The following CTNND2 variants were observed in gnomAD, a reference collection of about 807,000 sequenced individuals.
The protein encoded by CTNND2 is catenin delta-2.
Under a neutral mutation model 144.4 loss-of-function variants are expected in CTNND2, and 22 were observed. The observed-to-expected ratio is 0.15, with a 90% confidence interval of 0.11 to 0.22. The LOEUF (loss-of-function observed/expected upper bound fraction) is 0.22, where lower values mean the gene tolerates loss of function less well. CTNND2 is among the 10% of genes least tolerant of loss of function. The pLI, the probability that CTNND2 is intolerant of heterozygous loss-of-function variation, is 1.00. For synonymous variants in CTNND2, 751 were observed against 695.6 expected, an observed-to-expected ratio of 1.08 and a Z score of -1.25; for missense variants, 1,353 against 1,618.8, an observed-to-expected ratio of 0.84 and a Z score of 2.82.
chr5:11,022,648 T>C, intron 17 of CTNND2, 121 bp downstream of exon 17: 1 of 764,072 alleles, frequency 1.3e-6, no homozygotes, highest in East Asian at 2.6e-5. Flanking sequence ...TTCCTTCTCT[T>C]GATTCTCAGA....
chr5:11,015,657 C>T (rs557109162), intron 18 of CTNND2, among the ~76,000 whole-genome samples: 3 of 152,322 alleles, frequency 2.0e-5, no homozygotes, highest in African/African-American at 7.2e-5. Context: ...AAAGCTGCTT[C>T]CCTTCAATGC....
chr5:11,652,568 A>C (rs1390255260), intron 2 of CTNND2, among the ~76,000 whole-genome samples: 1 of 152,190 alleles, frequency 6.6e-6, no homozygotes, highest in East Asian at 1.9e-4. Flanking sequence ...GTCTATAGGA[A>C]AGCATTGTTT....
intron 1 of CTNND2, among the ~76,000 whole-genome samples, chr5:11,782,255 A>C (rs1241510030): frequency 6.6e-6 from 1 of 152,174 alleles, no homozygotes; most frequent in Non-Finnish European, 1.5e-5. Flanking sequence ...ATATAACAGT[A>C]TGAAAATGAG....
chr5:11,551,293 T>A (rs978609883), intron 3 of CTNND2, among the ~76,000 whole-genome samples: 4 of 152,072 alleles, frequency 2.6e-5, no homozygotes, highest in African/African-American at 4.8e-5. Flanking sequence ...TTACCCCATT[T>A]CTTTCCCTGC....
At chr5:11,138,547 C>A (rs1756384053) in intron 12 of CTNND2, among the ~76,000 whole-genome samples, 1 of 152,146 alleles carries the variant, frequency 6.6e-6, no homozygotes, top group South Asian at 2.1e-4. Flanking sequence ...CCTCTCCCTG[C>A]CCAACCTGTG....
chr5:11,112,176 C>T (rs573516818), intron 13 of CTNND2, among the ~76,000 whole-genome samples: 17 of 152,240 alleles, frequency 1.1e-4, no homozygotes, highest in South Asian at 4.1e-4. Context: ...CTGGAACCTG[C>T]GCGTATGTTA....
chr5:11,499,580 T>C (rs1454708725), intron 3 of CTNND2, among the ~76,000 whole-genome samples: 1 of 152,270 alleles, frequency 6.6e-6, no homozygotes, highest in African/African-American at 2.4e-5. Context: ...CAAGGCATCC[T>C]GCCATTTCAT....
intron 1 of CTNND2, among the ~76,000 whole-genome samples, chr5:11,871,115 C>A (rs1035978258): frequency 1.2e-4 from 19 of 152,104 alleles, no homozygotes; most frequent in Admixed American, 1.2e-3. Context: ...AAGAATATAA[C>A]CAGAAGTCAG....
At chr5:11,862,209 G>A (rs1795534724) in intron 1 of CTNND2, among the ~76,000 whole-genome samples, 1 of 152,058 alleles carries the variant, frequency 6.6e-6, no homozygotes, top group Admixed American at 6.5e-5. Flanking sequence ...CTCAAAGATT[G>A]TCCTGTTTTA....
intron 11 of CTNND2, among the ~76,000 whole-genome samples, chr5:11,176,127 T>C (rs113826503): frequency 2.6e-5 from 4 of 152,354 alleles, no homozygotes; most frequent in African/African-American, 9.6e-5. Context: ...AACTGAGAAG[T>C]TATCAGAACT....
intron 15 of CTNND2, among the ~76,000 whole-genome samples, chr5:11,088,531 G>A (rs1436705679): frequency 6.6e-6 from 1 of 152,106 alleles, no homozygotes; most frequent in Non-Finnish European, 1.5e-5. Context: ...TAAACATAGT[G>A]CCTCATGGGT....
chr5:11,864,572 G>A (rs1795652302), intron 1 of CTNND2, among the ~76,000 whole-genome samples: 1 of 152,162 alleles, frequency 6.6e-6, no homozygotes, highest in Non-Finnish European at 1.5e-5. Flanking sequence ...TGCCTTTCCT[G>A]GATCCACCAT....
chr5:11,284,072 C>G (rs1353949), intron 9 of CTNND2, among the ~76,000 whole-genome samples: 2 of 152,140 alleles, frequency 1.3e-5, no homozygotes, highest in Non-Finnish European at 2.9e-5. Context: ...CCACTGCTGC[C>G]TGGTGTGGGC....
At chr5:11,114,313 C>A (rs140335978) in intron 13 of CTNND2, among the ~76,000 whole-genome samples, 1 of 151,630 alleles carries the variant, frequency 6.6e-6, no homozygotes, top group Non-Finnish European at 1.5e-5. Flanking sequence ...GCTTTATAAT[C>A]GAGCTGCAGC....
At chr5:11,156,886 A>G (rs994264938) in intron 12 of CTNND2, among the ~76,000 whole-genome samples, 5 of 152,128 alleles carry the variant, frequency 3.3e-5, no homozygotes, top group African/African-American at 1.2e-4. Context: ...CATGGATGCC[A>G]CTCCGTTTAT....
At chr5:11,685,075 G>A (rs1022513236) in intron 2 of CTNND2, among the ~76,000 whole-genome samples, 5 of 152,154 alleles carry the variant, frequency 3.3e-5, no homozygotes, top group African/African-American at 1.2e-4. Flanking sequence ...AAACAGTGTA[G>A]TATCTTCAAT....
intron 3 of CTNND2, among the ~76,000 whole-genome samples, chr5:11,483,442 T>A (rs1160853552): frequency 6.6e-6 from 1 of 152,196 alleles, no homozygotes; most frequent in Non-Finnish European, 1.5e-5. Context: ...AATTGTGGGC[T>A]ACACATCTGG....
chr5:11,294,573 G>A (rs1310170181), intron 9 of CTNND2, among the ~76,000 whole-genome samples: 1 of 152,070 alleles, frequency 6.6e-6, no homozygotes, highest in African/African-American at 2.4e-5. Context: ...CTTTAAGCTT[G>A]ACAGTTTCAA....
At chr5:11,352,723 G>A (rs1291056791) in intron 8 of CTNND2, among the ~76,000 whole-genome samples, 4 of 152,076 alleles carry the variant, frequency 2.6e-5, no homozygotes, top group South Asian at 2.1e-4. Context: ...CTCCTCATTA[G>A]GTCTTCATGA....
Sources: allele counts gnomAD v4.1 joint callset (sites outside exome capture counted in the v4.1 genomes callset), GRCh38; gene constraint gnomAD v4.1.1; transcripts MANE v1.5; gene names NCBI Gene and HGNC (gene_info 2026-07-23, HGNC 2026-07-21).